Variants in DACH1 observed in about 807,000 individuals in gnomAD.
DACH1 encodes dachshund family transcription factor 1.
DACH1 carries 12 observed loss-of-function variants against 54.2 expected under a neutral mutation model. The observed-to-expected ratio is 0.22, with a 90% CI of 0.14 to 0.36. The LOEUF (loss-of-function observed/expected upper bound fraction) is 0.36. Among genes scored for constraint, DACH1 ranks in the 10% least tolerant of loss-of-function variants. The pLI is 1.00. For synonymous variants in DACH1, 386 were observed against 366.2 expected (o/e 1.05, Z -0.62); for missense variants, 805 against 929.8 (o/e 0.87, Z 1.75).
At chr13:71,816,507 A>G (rs1405237575) in intron 1 of DACH1, among the ~76,000 whole-genome samples, 1 of 150,912 alleles carries the variant, frequency 6.6e-6, no homozygotes, top group Non-Finnish European at 1.5e-5. Flanking sequence ...ATCAACCTAA[A>G]TGTCCATCAA....
In DACH1 at chr13:71,758,882, A is replaced by T. The variant is rs118129454; in HGVS notation, c.849-76972T>A. 3.4e-4 allele frequency among the ~76,000 whole-genome samples: 51 copies of T among 151,992 alleles called. 2 individuals carry two copies. In the East Asian group the frequency reaches 9.6e-3, roughly 29 times the overall value. On this transcript the variant is annotated intron_variant, in intron 1 of 10. Transcript: ENST00000613252. ...AGTTATTATGTACCTTTTAGACTGC[A>T]AACCAGTAAACTCCCCCTCCCTCGC...
intron 3 of DACH1, among the ~76,000 whole-genome samples, chr13:71,618,633 T>A (rs1304970776): frequency 1.3e-5 from 2 of 151,976 alleles, no homozygotes; most frequent in Non-Finnish European, 2.9e-5. Flanking sequence ...TTAGGGTTTT[T>A]TTTTAAGAAA....
chr13:71,817,388 G>A (rs1888000747), intron 1 of DACH1, among the ~76,000 whole-genome samples: 2 of 152,142 alleles, frequency 1.3e-5, no homozygotes, highest in African/African-American at 4.8e-5. Context: ...ACACCAAGAT[G>A]TCAAGATACA....
chr13:71,501,615 A>G lies in DACH1; in HGVS notation c.1571-12467T>C, dbSNP rs1222121072. On this transcript the variant is annotated intron_variant, in intron 6 of 10. Transcript: ENST00000613252. ...TGTTAAAACAAAATGATGGGTAGGC[A>G]TATGGGAATTCAGTACTCTTCTAAT... Among the ~76,000 whole-genome samples, 4 of 152,324 alleles carry G rather than the reference A, an allele frequency of 2.6e-5. No individual in the cohort carries two copies. The South Asian group carries it at 8.3e-4, about 32-fold the overall frequency.
At chr13:71,625,745 C>A (rs1008554824) in intron 3 of DACH1, among the ~76,000 whole-genome samples, 5 of 151,928 alleles carry the variant, frequency 3.3e-5, no homozygotes, top group African/African-American at 1.2e-4. Flanking sequence ...TTGATCAGGG[C>A]ATTAGTGTAC....
chr13:71,729,007 C>T (rs892663083), intron 1 of DACH1, among the ~76,000 whole-genome samples: 1 of 151,750 alleles, frequency 6.6e-6, no homozygotes, highest in African/African-American at 2.4e-5. Context: ...GAAAACTTTA[C>T]TTTTTTTTAT....
intron 1 of DACH1, among the ~76,000 whole-genome samples, chr13:71,828,296 A>T (rs1888456382): frequency 6.6e-6 from 1 of 151,986 alleles, no homozygotes; most frequent in African/African-American, 2.4e-5. Flanking sequence ...AAGCTGCGTT[A>T]CAGGGTAACG....
intron 10 of DACH1, among the ~76,000 whole-genome samples, chr13:71,459,568 C>T (rs1260095669): frequency 6.6e-6 from 1 of 151,620 alleles, no homozygotes; most frequent in Non-Finnish European, 1.5e-5. Flanking sequence ...AAGCATAGAC[C>T]TTCAGATAGT....
intron 1 of DACH1, among the ~76,000 whole-genome samples, chr13:71,865,071 T>C (rs74096829): frequency 0.022 from 3,355 of 152,216 alleles, 123 homozygotes; most frequent in African/African-American, 0.074. Flanking sequence ...TCAGCTTCCA[T>C]TGAGTCTCGG....
chr13:71,840,974 G>A (rs578170270), intron 1 of DACH1, among the ~76,000 whole-genome samples: 5 of 152,230 alleles, frequency 3.3e-5, no homozygotes, highest in African/African-American at 1.2e-4. Flanking sequence ...TGATGATACA[G>A]TTGTTTTACC....
intron 6 of DACH1, among the ~76,000 whole-genome samples, chr13:71,543,101 GA>G (rs1883240868): frequency 6.6e-6 from 1 of 152,140 alleles, no homozygotes; most frequent in Admixed American, 6.6e-5. Flanking sequence ...GCCTAAGTTT[GA>G]AAACTGGATT....
At position 71,865,925 on chromosome 13, in the gene DACH1, G is replaced by A. The variant is rs775849375; in HGVS notation, c.845C>T (p.Ala282Val). ...FETLYNDCTN[A>V]SSRPGRPPKR... is the part of the protein sequence containing the mutation. ...GGGGCTATCCCCCCCGACTCACCTTGCGTTGGTGCAGTCATTGTAGAGGGT... is the reference window on the plus strand; with the variant it reads ...GGGGCTATCCCCCCCGACTCACCTTACGTTGGTGCAGTCATTGTAGAGGGT... Residue 282 changes from alanine to valine, a missense_variant, in exon 1 of 11, where the codon GCA becomes GTA. By Grantham distance (64) the Ala-to-Val change is moderately conservative. This residue lies in a region of DACH1 where 472 missense variants were observed against 545.3 expected (regional missense o/e 0.87). Transcript: ENST00000613252. 1.9e-6 allele frequency: 3 copies of A among 1,604,950 alleles called. No homozygotes were observed. Among genetic ancestry groups the A allele is most frequent in the African/African-American group, 1.3e-5 (1 of 74,502 alleles).
intron 1 of DACH1, among the ~76,000 whole-genome samples, chr13:71,734,790 T>G (rs1206254767): frequency 6.8e-5 from 2 of 29,312 alleles, no homozygotes; most frequent in South Asian, 9.9e-4. Flanking sequence ...TATATGTATA[T>G]CCCATATACG....
intron 1 of DACH1, among the ~76,000 whole-genome samples, chr13:71,784,010 T>A (rs1886492219): frequency 6.7e-6 from 1 of 149,982 alleles, no homozygotes; most frequent in Non-Finnish European, 1.5e-5. Flanking sequence ...AACAAAAGTG[T>A]TAGCATAAAA....
intron 6 of DACH1, among the ~76,000 whole-genome samples, chr13:71,528,983 A>C (rs1176462453): frequency 6.6e-6 from 1 of 152,252 alleles, no homozygotes; most frequent in East Asian, 1.9e-4. Context: ...GAATTTTGTT[A>C]ATTGGCAACT....
At chr13:71,809,790 G>C (rs1887642056) in intron 1 of DACH1, among the ~76,000 whole-genome samples, 1 of 152,102 alleles carries the variant, frequency 6.6e-6, no homozygotes, top group Non-Finnish European at 1.5e-5. Context: ...GCAATGGATG[G>C]AGTAATAATA....
chr13:71,629,801 G>A (rs1594013283), intron 3 of DACH1, among the ~76,000 whole-genome samples: 1 of 152,144 alleles, frequency 6.6e-6, no homozygotes, highest in East Asian at 1.9e-4. Flanking sequence ...GTATTTTAAA[G>A]AGAAACAATA....
intron 1 of DACH1, among the ~76,000 whole-genome samples, chr13:71,859,437 C>G (rs896778731): frequency 2.0e-5 from 3 of 151,672 alleles, no homozygotes; most frequent in Non-Finnish European, 4.4e-5. Context: ...TTTAATTGGA[C>G]ATTTATCTGC....
chr13:71,652,502 A>T, intron 2 of DACH1, among the ~76,000 whole-genome samples: 1 of 151,740 alleles, frequency 6.6e-6, no homozygotes, highest in East Asian at 1.9e-4. Context: ...TCTATTTAAA[A>T]CTCCGAAGAA....
Sources: allele counts gnomAD v4.1 joint callset (sites outside exome capture counted in the v4.1 genomes callset), GRCh38; gene constraint gnomAD v4.1.1; regional missense constraint gnomAD v4.1.1; transcripts MANE v1.5; gene names NCBI Gene and HGNC (gene_info 2026-07-23, HGNC 2026-07-21).